Variants in RNF150 observed in about 807,000 individuals in gnomAD.
RNF150 encodes ring finger protein 150.
A neutral mutation model predicts 39.3 loss-of-function variants in RNF150; 24 were observed. That is an observed-to-expected ratio of 0.61 (90% CI 0.44 to 0.86). RNF150 has a LOEUF of 0.86. Ranked by LOEUF, RNF150 falls within the 40% of genes least tolerant of loss-of-function variation. The pLI, the probability that RNF150 is intolerant of heterozygous loss-of-function variation, is 0.00. For synonymous variants in RNF150, 255 were observed against 227.3 expected (o/e 1.12, Z -1.10); for missense variants, 502 against 587.8 (o/e 0.85, Z 1.51).
chr4:140,964,090 G>GA (rs774026341), intron 2 of RNF150, among the ~76,000 whole-genome samples: 87 of 152,090 alleles, frequency 5.7e-4, no homozygotes, highest in Non-Finnish European at 9.0e-4. Context: ...TGAGATAACA[G>GA]AAAAAACAGG....
At chr4:140,908,635 C>T (rs1347623316) in intron 6 of RNF150, among the ~76,000 whole-genome samples, 1 of 152,146 alleles carries the variant, frequency 6.6e-6, no homozygotes, top group Non-Finnish European at 1.5e-5. Context: ...TAAACATCTA[C>T]AGAATGGTCA....
At chr4:141,121,078 A>G (rs1321759186) in intron 1 of RNF150, among the ~76,000 whole-genome samples, 1 of 152,188 alleles carries the variant, frequency 6.6e-6, no homozygotes, top group Non-Finnish European at 1.5e-5. Flanking sequence ...CATGTATTAC[A>G]TGCTCAGAGT....
At chr4:141,210,580 C>T (rs28692948) in intron 1 of RNF150, among the ~76,000 whole-genome samples, 33,500 of 151,184 alleles carry the variant, frequency 0.22, 3,925 homozygotes, top group South Asian at 0.32. Context: ...ATGTTTTATA[C>T]AGAATCTAAT....
chr4:140,861,664 A>G lies in RNF150; in HGVS notation c.*6597T>C, dbSNP rs1004796849. On this transcript the variant is annotated 3_prime_UTR_variant, in exon 7 of 7. Coordinates refer to ENST00000515673, the MANE Select transcript of RNF150 (RefSeq NM_020724.2). ...GTTCTTCAACTGCTCTACTATACCC[A>G]TTAGTACAGGCAACAGTTTTGTATC... The G allele has an allele frequency of 6.6e-6, 1 of 152,238 alleles. No homozygotes were observed. The highest frequency in any genetic ancestry group is 2.4e-5 in the African/African-American group (1 of 41,470). The allele number at this position is 152,238 out of a possible 1,614,324, so 9.4% of individuals were successfully genotyped here. A position where few individuals can be genotyped will look rare whatever the true frequency, so the allele number is the denominator to read the frequency against.
intron 1 of RNF150, among the ~76,000 whole-genome samples, chr4:140,999,596 T>C (rs1418499990): frequency 6.6e-6 from 1 of 152,148 alleles, no homozygotes; most frequent in East Asian, 1.9e-4. Flanking sequence ...CCCAGAATTG[T>C]AGGTGACTAT....
chr4:141,201,255 T>A (rs574266206), intron 1 of RNF150, among the ~76,000 whole-genome samples: 7 of 152,304 alleles, frequency 4.6e-5, no homozygotes, highest in Admixed American at 2.0e-4. Context: ...AAACAATGCA[T>A]GAGGCCACAT....
chr4:141,062,822 C>T (rs1477356989), intron 1 of RNF150, among the ~76,000 whole-genome samples: 1 of 152,102 alleles, frequency 6.6e-6, no homozygotes, highest in Non-Finnish European at 1.5e-5. Context: ...CAGCCCTTGT[C>T]CCCCTCCCTT....
chr4:140,957,045 A>G (rs1286080773), intron 2 of RNF150, among the ~76,000 whole-genome samples: 1 of 149,488 alleles, frequency 6.7e-6, no homozygotes, highest in African/African-American at 2.5e-5. Flanking sequence ...AAAAGCCAAA[A>G]TTGACAAATG....
chr4:141,037,448 A>C (rs1175641969), intron 1 of RNF150, among the ~76,000 whole-genome samples: 1 of 152,014 alleles, frequency 6.6e-6, no homozygotes, highest in Non-Finnish European at 1.5e-5. Context: ...AAGAAGACAG[A>C]AAACATAAAT....
rs971408383 is a variant in RNF150 at position 140,998,603 on chromosome 4, C to T, written c.485-30730G>A. On this transcript the variant is annotated intron_variant, in intron 1 of 6. Transcript: ENST00000515673. Reference sequence around the variant, plus strand: ...ACTCTTGTGGAGAAGCACAGTCCTCCAGCCAGAGATAAGCTGAGCTAAAGT... The same window carrying T: ...ACTCTTGTGGAGAAGCACAGTCCTCTAGCCAGAGATAAGCTGAGCTAAAGT... Among the ~76,000 whole-genome samples, 6 of 152,308 alleles carry T rather than the reference C, an allele frequency of 3.9e-5. No homozygotes were observed. In the South Asian group the frequency reaches 1.2e-3, roughly 32 times the overall value.
chr4:140,942,939 T>C (rs912672449), intron 4 of RNF150, among the ~76,000 whole-genome samples: 2 of 152,168 alleles, frequency 1.3e-5, no homozygotes, highest in African/African-American at 2.4e-5. Context: ...ATAATCAAAC[T>C]AAGCATTTAA....
intron 1 of RNF150, among the ~76,000 whole-genome samples, chr4:141,076,831 T>C (rs1578701483): frequency 2.0e-5 from 3 of 152,196 alleles, no homozygotes; most frequent in South Asian, 4.1e-4. Context: ...ATTGTATTCA[T>C]TTTAAAATAT....
chr4:141,096,148 C>G (rs1210323228), intron 1 of RNF150, among the ~76,000 whole-genome samples: 1 of 143,950 alleles, frequency 6.9e-6, no homozygotes, highest in African/African-American at 2.6e-5. Flanking sequence ...GAGTGGTGTG[C>G]ATTCATATTC....
chr4:141,190,566 A>G (rs1728092921), intron 1 of RNF150, among the ~76,000 whole-genome samples: 1 of 152,218 alleles, frequency 6.6e-6, no homozygotes, highest in Non-Finnish European at 1.5e-5. Flanking sequence ...CTTGAGCTTC[A>G]CATGACAGCA....
chr4:141,023,642 A>G (rs1735583767), intron 1 of RNF150, among the ~76,000 whole-genome samples: 1 of 152,142 alleles, frequency 6.6e-6, no homozygotes, highest in South Asian at 2.1e-4. Context: ...GACAGTTTAC[A>G]TTCTCTTTTT....
intron 1 of RNF150, among the ~76,000 whole-genome samples, chr4:141,112,724 G>C (rs571096526): frequency 6.6e-6 from 1 of 152,102 alleles, no homozygotes; most frequent in Non-Finnish European, 1.5e-5. Flanking sequence ...TTCTTGAGGA[G>C]TATCTTTGTG....
At chr4:140,923,329 T>G (rs1454753557) in intron 5 of RNF150, among the ~76,000 whole-genome samples, 1 of 152,194 alleles carries the variant, frequency 6.6e-6, no homozygotes, top group African/African-American at 2.4e-5. Flanking sequence ...CAGAGACTTC[T>G]CAAAAGAAGA....
intron 1 of RNF150, among the ~76,000 whole-genome samples, chr4:141,047,080 A>T (rs1401854470): frequency 6.6e-6 from 1 of 152,144 alleles, no homozygotes; most frequent in Non-Finnish European, 1.5e-5. Flanking sequence ...ACTAGTTCAC[A>T]TCTAAAAATC....
intron 1 of RNF150, among the ~76,000 whole-genome samples, chr4:141,010,651 A>T (rs1275414455): frequency 6.6e-6 from 1 of 151,970 alleles, no homozygotes; most frequent in Non-Finnish European, 1.5e-5. Context: ...TCCAACCCTG[A>T]TCGTGAGGGA....
Sources: allele counts gnomAD v4.1 joint callset (sites outside exome capture counted in the v4.1 genomes callset), GRCh38; gene constraint gnomAD v4.1.1; transcripts MANE v1.5; gene names NCBI Gene and HGNC (gene_info 2026-07-23, HGNC 2026-07-21).